Variants in ZNF565 observed in about 807,000 individuals in gnomAD.
ZNF565 encodes zinc finger protein 565.
In ZNF565, 27 loss-of-function variants were observed where a neutral mutation model predicts 39.4. The observed-to-expected ratio is 0.69, with a 90% CI of 0.51 to 0.95. The LOEUF (loss-of-function observed/expected upper bound fraction) is 0.95, where lower values mean the gene tolerates loss of function less well. Among genes scored for constraint, ZNF565 ranks in the 40% least tolerant of loss-of-function variants. The pLI, the probability that ZNF565 is intolerant of heterozygous loss-of-function variation, is 0.00. For missense variants in ZNF565, 524 were observed against 621.1 expected (o/e 0.84, Z 1.66); for synonymous variants, 185 against 216.6 (o/e 0.85, Z 1.28).
chr19:36,190,851 G>A (rs147186581), intron 4 of ZNF565, among the ~76,000 whole-genome samples: 2,577 of 151,902 alleles, frequency 0.017, 54 homozygotes, highest in African/African-American at 0.058. Context: ...AATTAGCTGG[G>A]CGTGGTGGCG....
intron 2 of ZNF565, among the ~76,000 whole-genome samples, chr19:36,197,337 TG>T (rs1227132618): frequency 6.6e-6 from 1 of 151,120 alleles, no homozygotes; most frequent in East Asian, 2.0e-4. Context: ...CTGGGCATGA[TG>T]GTGCGTGCCT....
At chr19:36,237,437 A>G in intron 1 of ZNF565, 3 of 1,307,512 alleles carry the variant, frequency 2.3e-6, no homozygotes, top group East Asian at 5.1e-5. Flanking sequence ...TTTAACAAGT[A>G]CTAAAAACTT....
intron 1 of ZNF565, among the ~76,000 whole-genome samples, chr19:36,244,675 A>AC (rs2029880080): frequency 6.6e-6 from 1 of 151,818 alleles, no homozygotes; most frequent in African/African-American, 2.4e-5. Context: ...ACATGGTGAA[A>AC]CCCCGTCTCT....
intron 1 of ZNF565, among the ~76,000 whole-genome samples, chr19:36,232,603 TTTTTTC>T (rs1190547835): frequency 3.0e-5 from 4 of 133,172 alleles, no homozygotes; most frequent in Admixed American, 7.5e-5. Flanking sequence ...TTCTTTTTTC[TTTTTTC>T]TTTTTTTTTT....
intron 1 of ZNF565, among the ~76,000 whole-genome samples, chr19:36,221,978 G>T (rs1322119296): frequency 1.5e-5 from 2 of 130,282 alleles, no homozygotes; most frequent in Non-Finnish European, 3.1e-5. Flanking sequence ...CACCCAAGCT[G>T]GTGTGCAATG....
chr19:36,211,122 A>G (rs183717973), intron 1 of ZNF565, among the ~76,000 whole-genome samples: 2 of 152,320 alleles, frequency 1.3e-5, no homozygotes, highest in African/African-American at 2.4e-5. Context: ...ATGGGAAAGA[A>G]GAAAAATATC....
At chr19:36,194,093 G>T in intron 4 of ZNF565, 140 bp downstream of exon 4, 1 of 594,978 alleles carries the variant, frequency 1.7e-6, no homozygotes, top group Non-Finnish European at 2.9e-6. Flanking sequence ...CGCTAATAAA[G>T]TCTTTACTCG....
Position 36,194,180 on chromosome 19 carries a change from T to C in ZNF565, c.232+53A>G, listed in dbSNP as rs186558766. 700 of 1,476,254 alleles carry C rather than the reference T, an allele frequency of 4.7e-4. 3 individuals carry two copies. In the African/African-American group the frequency reaches 8.4e-3, roughly 18 times the overall value. The allele number at this position is 1,476,254 out of a possible 1,614,324, so 91.4% of individuals were successfully genotyped here. The stretch of plus-strand genomic sequence containing the variant: ...TTCCCACAGTAACTCAAGTTACTCC[T>C]GTCAGTCGACTCATCCAGGGACCTT... On this transcript the variant is annotated intron_variant, in intron 4 of 4. Transcript: ENST00000304116.
chr19:36,230,731 G>A (rs1306919127), intron 1 of ZNF565, among the ~76,000 whole-genome samples: 1 of 152,184 alleles, frequency 6.6e-6, no homozygotes, highest in East Asian at 1.9e-4. Context: ...TAGGTAACAG[G>A]TCAAATCACA....
At chr19:36,232,925 A>C (rs1977450961) in intron 1 of ZNF565, among the ~76,000 whole-genome samples, 2 of 152,146 alleles carry the variant, frequency 1.3e-5, no homozygotes, top group Non-Finnish European at 2.9e-5. Context: ...AAATATAACA[A>C]ATGCTGAAGG....
At chr19:36,217,099 CTT>C (rs1285653832), upstream of ZNF565, among the ~76,000 whole-genome samples, 1 of 118,310 alleles carries the variant, frequency 8.5e-6, no homozygotes, top group Non-Finnish European at 1.6e-5. Flanking sequence ...GTCTCTCTCT[CTT>C]GCCCAGTCTA....
At chr19:36,220,762 A>C (rs1277038645) in intron 1 of ZNF565, among the ~76,000 whole-genome samples, 2 of 152,204 alleles carry the variant, frequency 1.3e-5, no homozygotes, top group Non-Finnish European at 2.9e-5. Context: ...TTTCAGTAAC[A>C]ATGCTGATAC....
At chr19:36,221,284 CTTTT>C (rs74172797) in intron 1 of ZNF565, among the ~76,000 whole-genome samples, 1 of 98,700 alleles carries the variant, frequency 1.0e-5, no homozygotes, top group Admixed American at 1.2e-4. Flanking sequence ...TAAGGGACTG[CTTTT>C]TTTTTTTTTT....
chr19:36,211,449 T>TCACACACACACACACACACACA (rs370230430), intron 1 of ZNF565, among the ~76,000 whole-genome samples: 5 of 137,676 alleles, frequency 3.6e-5, no homozygotes, highest in African/African-American at 5.4e-5. Context: ...CAACTCTCTC[T>TCACACACACACACACACACACA]CACACACACA....
intron 1 of ZNF565, among the ~76,000 whole-genome samples, chr19:36,233,087 A>G (rs539501648): frequency 6.6e-6 from 1 of 152,204 alleles, no homozygotes; most frequent in Non-Finnish European, 1.5e-5. Context: ...TTTTCTACCA[A>G]GAAAAGCAGC....
chr19:36,183,690 A>C lies in ZNF565; in HGVS notation c.276T>G (p.Phe92Leu). 1 of 1,612,450 alleles carries C rather than the reference A, an allele frequency of 6.2e-7. No individual in the cohort carries two copies. Among genetic ancestry groups the C allele is most frequent in the Non-Finnish European group, 8.5e-7 (1 of 1,179,024 alleles). ...RCEKFLQKDI[F>L]EIGAFNWEIM... The stretch of plus-strand genomic sequence containing the variant: ...TCTCCCAGTTGAATGCCCCGATTTC[A>C]AAAATGTCTTTTTGTAGAAATTTCT... Residue 92 changes from phenylalanine (F) to leucine (L), a missense_variant, in exon 5 of 5, where the codon TTT (phenylalanine) becomes TTG (leucine). Transcript: ENST00000304116.
chr19:36,202,587 T>C (rs1976005960), intron 1 of ZNF565, among the ~76,000 whole-genome samples: 1 of 152,112 alleles, frequency 6.6e-6, no homozygotes, highest in South Asian at 2.1e-4. Context: ...TGGCCCTAGA[T>C]GGGGCCTAGA....
At chr19:36,192,910 G>C (rs535810275) in intron 4 of ZNF565, among the ~76,000 whole-genome samples, 2 of 152,032 alleles carry the variant, frequency 1.3e-5, no homozygotes, top group Admixed American at 1.3e-4. Context: ...TCCACCTCAT[G>C]GGTTCAAGAG....
intron 4 of ZNF565, among the ~76,000 whole-genome samples, chr19:36,188,998 G>A (rs987994704): frequency 6.6e-6 from 1 of 152,160 alleles, no homozygotes; most frequent in African/African-American, 2.4e-5. Flanking sequence ...ACAAAAAGTA[G>A]AACAGAGGTG....
Sources: allele counts gnomAD v4.1 joint callset (sites outside exome capture counted in the v4.1 genomes callset), GRCh38; gene constraint gnomAD v4.1.1; transcripts MANE v1.5; gene names NCBI Gene and HGNC (gene_info 2026-07-23, HGNC 2026-07-21).